Variants in NF1 observed in about 807,000 individuals in gnomAD.
The protein encoded by NF1 is neurofibromin.
NF1 carries 122 observed loss-of-function variants against 325.7 expected under a neutral mutation model. The ratio of observed to expected loss-of-function variants is 0.37; its 90% CI spans 0.32 to 0.44. The LOEUF is 0.44. Among genes scored for constraint, NF1 ranks in the 20% least tolerant of loss-of-function variants. The pLI is 1.00. For synonymous variants in NF1, 1,091 were observed against 1,186.0 expected, an observed-to-expected ratio of 0.92 and a Z score of 1.65; for missense variants, 2,140 against 3,415.4, an observed-to-expected ratio of 0.63 and a Z score of 9.31.
chr17:31,163,469 T>A, intron 4 of NF1, 93 bp downstream of exon 4: 1 of 1,417,728 alleles, frequency 7.1e-7, no homozygotes, highest in African/African-American at 1.4e-5. Context: ...TTAATGGAAA[T>A]GAGGTTTTTT....
intron 36 of NF1, chr17:31,295,719 A>G (rs974507286): frequency 9.3e-6 from 15 of 1,614,072 alleles, no homozygotes; most frequent in Non-Finnish European, 1.1e-5. Flanking sequence ...TCTGGAATGA[A>G]TGTGAACTTA....
chr17:31,258,061 T>C (rs560778044), intron 31 of NF1, among the ~76,000 whole-genome samples: 20 of 152,306 alleles, frequency 1.3e-4, no homozygotes, highest in Non-Finnish European at 2.5e-4. Flanking sequence ...GTATAAGTGA[T>C]GATACAGTGA....
At chr17:31,130,709 G>A (rs976125008) in intron 1 of NF1, among the ~76,000 whole-genome samples, 18 of 152,322 alleles carry the variant, frequency 1.2e-4, no homozygotes, top group Middle Eastern at 3.4e-3. Flanking sequence ...TGGAGGGATA[G>A]GCAGGGTGTA....
intron 36 of NF1, among the ~76,000 whole-genome samples, chr17:31,284,814 G>A (rs2068192847): frequency 6.6e-6 from 1 of 151,934 alleles, no homozygotes; most frequent in Non-Finnish European, 1.5e-5. Context: ...TATTTATGAA[G>A]TTTAAGTCTG....
chr17:31,110,745 A>G (rs1001422477), intron 1 of NF1, among the ~76,000 whole-genome samples: 2 of 152,190 alleles, frequency 1.3e-5, no homozygotes, highest in Admixed American at 1.3e-4. Flanking sequence ...TTCATAGAGA[A>G]TTGGAATCCA....
At chr17:31,171,870 A>G (rs1334427948) in intron 5 of NF1, among the ~76,000 whole-genome samples, 5 of 152,202 alleles carry the variant, frequency 3.3e-5, no homozygotes, top group Non-Finnish European at 5.9e-5. Flanking sequence ...AAAATATGGA[A>G]TCTGTCCCTA....
intron 8 of NF1, among the ~76,000 whole-genome samples, chr17:31,189,217 G>T (rs745852036): frequency 2.0e-5 from 3 of 151,968 alleles, no homozygotes; most frequent in Non-Finnish European, 1.5e-5. Flanking sequence ...ATTTGTAAGG[G>T]TATATGTGTA....
intron 1 of NF1, among the ~76,000 whole-genome samples, chr17:31,110,377 A>G (rs970114267): frequency 1.3e-5 from 2 of 152,312 alleles, no homozygotes; most frequent in East Asian, 1.9e-4. Context: ...CACACACTGA[A>G]GGAAAAGGAA....
Position 31,375,213 on chromosome 17 carries a change from T to G in NF1, c.*1058T>G, listed in dbSNP as rs1269756192. On this transcript the variant is annotated 3_prime_UTR_variant, in exon 58 of 58. Coordinates refer to ENST00000358273, the MANE Select transcript of NF1 (RefSeq NM_001042492.3). ...TATTTTGTTAAATAATTTCCAAGAA[T>G]AGAGTATGGTGTATATTATAAATTT... 8.9e-6 allele frequency: 2 copies of G among 224,540 alleles called. No homozygotes were observed. The highest frequency in any genetic ancestry group is 1.8e-5 in the Non-Finnish European group (2 of 112,304). 13.9% of individuals were successfully genotyped at this position (224,540 alleles called of 1,614,324 possible). A position where few individuals can be genotyped will look rare whatever the true frequency, so the allele number is the denominator to read the frequency against.
At chr17:31,232,563 GATT>G in intron 25 of NF1, 134 bp from the exon 26 acceptor site, 1 of 828,260 alleles carries the variant, frequency 1.2e-6, no homozygotes, top group Non-Finnish European at 2.0e-6. Flanking sequence ...CACCCTGGCT[GATT>G]ATCGCGAGAG....
intron 1 of NF1, among the ~76,000 whole-genome samples, chr17:31,115,886 T>C (rs866454278): frequency 1.3e-5 from 2 of 152,206 alleles, no homozygotes; most frequent in Admixed American, 6.5e-5. Context: ...TGTAGAGTTT[T>C]TGTTTTGTTT....
At chr17:31,190,336 T>C (rs561775933) in intron 8 of NF1, among the ~76,000 whole-genome samples, 1 of 152,348 alleles carries the variant, frequency 6.6e-6, no homozygotes, top group Admixed American at 6.5e-5. Flanking sequence ...GTTAGTGTTA[T>C]TGGCTGGTAT....
chr17:31,318,470 C>T (rs762664536), intron 36 of NF1: 6 of 1,614,002 alleles, frequency 3.7e-6, no homozygotes, highest in East Asian at 2.2e-5. Flanking sequence ...GCCAGAAAAT[C>T]GCCATTGCTT....
intron 8 of NF1, 69 bp downstream of exon 8, chr17:31,182,734 T>A: frequency 7.1e-7 from 1 of 1,416,296 alleles, no homozygotes; most frequent in Non-Finnish European, 9.8e-7. Context: ...AGGTGTGTAT[T>A]ACTTTAGGCT....
rs1198491194 is a variant in NF1 at position 31,330,457 on chromosome 17, T to G, written c.5771T>G (p.Leu1924Ter). The G allele has an allele frequency of 6.2e-7, 1 of 1,613,876 alleles. No individual in the cohort carries two copies. Among genetic ancestry groups the G allele is most frequent in the Admixed American group, 1.7e-5 (1 of 60,018 alleles). Residue 1924 changes from leucine to a stop codon, truncating the protein, a stop_gained, in exon 39 of 58, where the codon TTA becomes TGA. Coordinates refer to ENST00000358273, the MANE Select transcript of NF1 (RefSeq NM_001042492.3). LOFTEE classifies it high-confidence loss of function. ...GCAGCCAATGAGCCACACCTCACGTTAGAATTTTTGGAAGAGTGTATTTCT... is the reference window on the plus strand; with the variant it reads ...GCAGCCAATGAGCCACACCTCACGTGAGAATTTTTGGAAGAGTGTATTTCT... ...TLAANEPHLTLEFLEECISGF... is the reference protein window; with the variant it reads ...TLAANEPHLT
chr17:31,247,913 C>T (rs2067425063), intron 29 of NF1, among the ~76,000 whole-genome samples: 1 of 152,134 alleles, frequency 6.6e-6, no homozygotes, highest in Non-Finnish European at 1.5e-5. Flanking sequence ...TAAAGACCTA[C>T]ATCATTCAGC....
intron 34 of NF1, among the ~76,000 whole-genome samples, chr17:31,260,919 A>G (rs2151465409): frequency 6.6e-6 from 1 of 152,238 alleles, no homozygotes; most frequent in Non-Finnish European, 1.5e-5. Flanking sequence ...CATTCGTGAT[A>G]CTCTTAAGTA....
chr17:31,138,772 C>T (rs1038150472), intron 1 of NF1, among the ~76,000 whole-genome samples: 2 of 148,402 alleles, frequency 1.3e-5, no homozygotes, highest in East Asian at 2.0e-4. Context: ...TTAGTAGAGA[C>T]GGGGTTTCAC....
chr17:31,156,508 G>T, intron 2 of NF1, among the ~76,000 whole-genome samples: 1 of 152,164 alleles, frequency 6.6e-6, no homozygotes, highest in East Asian at 1.9e-4. Flanking sequence ...TTAGCATCTT[G>T]TTTGAATTTA....
Sources: allele counts gnomAD v4.1 joint callset (sites outside exome capture counted in the v4.1 genomes callset), GRCh38; gene constraint gnomAD v4.1.1; transcripts MANE v1.5; gene names NCBI Gene and HGNC (gene_info 2026-07-23, HGNC 2026-07-21).